Variants in EDIL3 observed in about 807,000 individuals in gnomAD.
The protein encoded by EDIL3 is EGF like and discoidin domains 3.
In EDIL3, 37 loss-of-function variants were observed where a neutral mutation model predicts 67.4. The observed-to-expected ratio is 0.55, with a 90% CI of 0.42 to 0.72. The LOEUF (loss-of-function observed/expected upper bound fraction) is 0.72, where lower values mean the gene tolerates loss of function less well. Ranked by LOEUF, EDIL3 falls within the 30% of genes least tolerant of loss-of-function variation. The pLI, the probability that EDIL3 is intolerant of heterozygous loss-of-function variation, is 0.00. For missense variants in EDIL3, 527 were observed against 586.3 expected (o/e 0.90, Z 1.04); for synonymous variants, 195 against 196.3 (o/e 0.99, Z 0.05).
intron 1 of EDIL3, among the ~76,000 whole-genome samples, chr5:84,276,639 G>A (rs1316534600): frequency 6.6e-6 from 1 of 151,918 alleles, no homozygotes; most frequent in Non-Finnish European, 1.5e-5. Context: ...CGTGATCTTG[G>A]CTCACTGCAA....
chr5:83,956,976 C>T (rs1744527289), intron 10 of EDIL3, among the ~76,000 whole-genome samples: 1 of 151,616 alleles, frequency 6.6e-6, no homozygotes, highest in East Asian at 1.9e-4. Context: ...AATTAAGTCA[C>T]TCAGCCACTG....
chr5:84,253,790 A>C (rs1309280540), intron 2 of EDIL3, among the ~76,000 whole-genome samples: 2 of 151,760 alleles, frequency 1.3e-5, no homozygotes, highest in Non-Finnish European at 2.9e-5. Context: ...TTGAGAATAA[A>C]ATGTTAAATT....
At chr5:84,035,704 T>C (rs1388245581) in intron 9 of EDIL3, among the ~76,000 whole-genome samples, 1 of 152,172 alleles carries the variant, frequency 6.6e-6, no homozygotes, top group African/African-American at 2.4e-5. Flanking sequence ...ATAAGTTCTT[T>C]CTGGAACTTA....
At chr5:84,066,256 T>C (rs1012895248) in intron 7 of EDIL3, among the ~76,000 whole-genome samples, 195 bp downstream of exon 7, 1 of 152,204 alleles carries the variant, frequency 6.6e-6, no homozygotes, top group African/African-American at 2.4e-5. Context: ...TGTGAAAATC[T>C]TAAATGTCAG....
At chr5:83,958,476 G>T (rs1321334673) in intron 10 of EDIL3, among the ~76,000 whole-genome samples, 1 of 151,292 alleles carries the variant, frequency 6.6e-6, no homozygotes, top group African/African-American at 2.4e-5. Context: ...TTTCTGTTTT[G>T]GAAAATCCAG....
chr5:84,142,294 C>A (rs1227784704), intron 4 of EDIL3, among the ~76,000 whole-genome samples: 2 of 151,978 alleles, frequency 1.3e-5, no homozygotes, highest in Non-Finnish European at 2.9e-5. Context: ...TTGAAAAATT[C>A]AATAATCTCA....
At chr5:84,185,701 G>A (rs1401318258) in intron 3 of EDIL3, among the ~76,000 whole-genome samples, 1 of 151,976 alleles carries the variant, frequency 6.6e-6, no homozygotes, top group Non-Finnish European at 1.5e-5. Flanking sequence ...CAAGCTTCTA[G>A]TCCTTTAAAT....
intron 10 of EDIL3, among the ~76,000 whole-genome samples, chr5:83,945,028 G>GA (rs555369585): frequency 3.0e-4 from 46 of 151,974 alleles, no homozygotes; most frequent in African/African-American, 9.9e-4. Flanking sequence ...CTCCTGGAAA[G>GA]AAAAAAATCA....
chr5:84,021,670 T>C (rs1745719325), intron 9 of EDIL3, among the ~76,000 whole-genome samples: 1 of 152,020 alleles, frequency 6.6e-6, no homozygotes, highest in Admixed American at 6.6e-5. Context: ...GTTGTATATT[T>C]GGCAGTTGTT....
intron 9 of EDIL3, among the ~76,000 whole-genome samples, chr5:84,028,539 A>C (rs550752704): frequency 6.6e-6 from 1 of 152,208 alleles, no homozygotes; most frequent in East Asian, 1.9e-4. Context: ...ATCTAAGACT[A>C]TTCTGAAAAT....
intron 1 of EDIL3, among the ~76,000 whole-genome samples, chr5:84,289,154 C>G (rs1020644620): frequency 6.6e-6 from 1 of 152,078 alleles, no homozygotes; most frequent in Non-Finnish European, 1.5e-5. Context: ...AATATATAAA[C>G]AAACAAACAA....
chr5:84,139,355 A>G (rs968645349), intron 4 of EDIL3, among the ~76,000 whole-genome samples: 1 of 152,054 alleles, frequency 6.6e-6, no homozygotes, highest in African/African-American at 2.4e-5. Context: ...GGGAGGGGAA[A>G]GAAAAGGTGA....
intron 4 of EDIL3, among the ~76,000 whole-genome samples, chr5:84,161,169 C>T (rs347350): frequency 0.43 from 65,740 of 151,764 alleles, 14,724 homozygotes; most frequent in East Asian, 0.74. Flanking sequence ...AATGCCATGA[C>T]TTTGTTCCTT....
chr5:84,378,748 T>C (rs1036426292), intron 1 of EDIL3, among the ~76,000 whole-genome samples: 3 of 152,224 alleles, frequency 2.0e-5, no homozygotes, highest in East Asian at 1.9e-4. Flanking sequence ...GTATACTTGA[T>C]AGCTTTAGGC....
intron 9 of EDIL3, among the ~76,000 whole-genome samples, chr5:84,033,008 C>T (rs1048719370): frequency 6.6e-6 from 1 of 152,098 alleles, no homozygotes; most frequent in African/African-American, 2.4e-5. Context: ...TTGAATGGCC[C>T]CTCTGTTGGT....
chr5:84,347,140 G>GT (rs1157888912), intron 1 of EDIL3, among the ~76,000 whole-genome samples: 1 of 152,162 alleles, frequency 6.6e-6, no homozygotes, highest in Non-Finnish European at 1.5e-5. Flanking sequence ...GCCAGAGATA[G>GT]TAACATTGTG....
intron 4 of EDIL3, among the ~76,000 whole-genome samples, chr5:84,157,066 GA>G (rs1013360387): frequency 6.6e-6 from 1 of 151,754 alleles, no homozygotes; most frequent in African/African-American, 2.4e-5. Flanking sequence ...AAAGGTCTTA[GA>G]AAAAAACATA....
At chr5:84,266,681 T>C (rs1745359147) in intron 1 of EDIL3, among the ~76,000 whole-genome samples, 1 of 152,182 alleles carries the variant, frequency 6.6e-6, no homozygotes, top group Non-Finnish European at 1.5e-5. Context: ...CACTTGTATA[T>C]AAATCCTCTT....
At chr5:83,966,670 G>A (rs1744696889) in intron 9 of EDIL3, among the ~76,000 whole-genome samples, 1 of 151,892 alleles carries the variant, frequency 6.6e-6, no homozygotes, top group Non-Finnish European at 1.5e-5. Flanking sequence ...TGAGAAATGA[G>A]GATAACAATT....
Sources: allele counts gnomAD v4.1 joint callset (sites outside exome capture counted in the v4.1 genomes callset), GRCh38; gene constraint gnomAD v4.1.1; transcripts MANE v1.5; gene names NCBI Gene and HGNC (gene_info 2026-07-23, HGNC 2026-07-21).